The following BRIP1 variants were observed in gnomAD, a reference collection of about 807,000 sequenced individuals.
BRIP1 encodes the protein BRCA1 interacting DNA helicase 1.
Under a neutral mutation model 119.7 loss-of-function variants are expected in BRIP1, and 88 were observed. That is an observed-to-expected ratio of 0.74 (90% confidence interval 0.62 to 0.88). The LOEUF is 0.88. Ranked by LOEUF, BRIP1 falls within the 40% of genes least tolerant of loss-of-function variation. The pLI, the probability that BRIP1 is intolerant of heterozygous loss-of-function variation, is 0.00. For missense variants in BRIP1, 1,259 were observed against 1,455.4 expected (o/e 0.87, Z 2.20); for synonymous variants, 443 against 496.5 (o/e 0.89, Z 1.43).
chr17:61,808,587 C>T lies in BRIP1; in HGVS notation c.798G>A (p.Thr266=), dbSNP rs1260055674. Residue 266 remains threonine (T), a synonymous_variant, in exon 7 of 20, where the codon ACG becomes ACA. Transcript: ENST00000259008. The surrounding 1 kb of genome is among the most constrained non-coding windows in gnomAD (Gnocchi z 4.1). ...TAGTCATTGGAACCCCTGAATATGC[C>T]GTCCTCCGGAGCTCTCTAGTAATCT... ...IAQITRELRR[T]AYSGVPMTIL... 10 of 1,613,802 alleles carry T rather than the reference C, an allele frequency of 6.2e-6. No individual in the cohort carries two copies. Among genetic ancestry groups the T allele is most frequent in the Non-Finnish European group, 8.5e-6 (10 of 1,179,800 alleles).
intron 10 of BRIP1, among the ~76,000 whole-genome samples, chr17:61,787,106 TATATTA>T (rs1271378178): frequency 5.3e-5 from 6 of 112,166 alleles, no homozygotes; most frequent in African/African-American, 2.2e-4. Context: ...TATTAATAAA[TATATTA>T]ATATATAATA....
In BRIP1 at chr17:61,717,832, C is replaced by T. The variant is rs998478541; in HGVS notation, c.2380-1769G>A. On this transcript the variant is annotated intron_variant, in intron 16 of 19. Transcript: ENST00000259008. This position sits in a 1 kb window ranked among gnomAD's most constrained non-coding sequence, Gnocchi z 4.1. Reference sequence around the variant, plus strand: ...TATTAGACTACTTTATATTACTCCACATGTCACTGACCCTCTTTTTTTTCA... The same window carrying T: ...TATTAGACTACTTTATATTACTCCATATGTCACTGACCCTCTTTTTTTTCA... Among the ~76,000 whole-genome samples the T allele has an allele frequency of 5.3e-5, 8 of 152,064 alleles. No homozygotes were observed. The highest frequency in any genetic ancestry group is 1.9e-4 in the African/African-American group (8 of 41,416).
chr17:61,853,364 T>A lies in BRIP1; in HGVS notation c.379+3694A>T, dbSNP rs1387919501. 6.7e-6 allele frequency among the ~76,000 whole-genome samples: 1 copy of A among 150,302 alleles called. No individual in the cohort carries two copies. The highest frequency in any genetic ancestry group is 2.1e-4 in the East Asian group (1 of 4,764). Reference sequence around the variant, plus strand: ...TGAAAAAGAAGATGAGGAGGGCCTCTGGGGTGTTGGTAATGTCTCTCTCTT... The same window carrying A: ...TGAAAAAGAAGATGAGGAGGGCCTCAGGGGTGTTGGTAATGTCTCTCTCTT... On this transcript the variant is annotated intron_variant, in intron 4 of 19. Transcript: ENST00000259008. This position sits in a 1 kb window ranked among gnomAD's most constrained non-coding sequence, Gnocchi z 4.3.
intron 16 of BRIP1, among the ~76,000 whole-genome samples, chr17:61,728,401 A>C (rs2144542987): frequency 6.6e-6 from 1 of 152,296 alleles, no homozygotes; most frequent in Middle Eastern, 3.4e-3. Flanking sequence ...AGGAAACAGA[A>C]ACACAGTCTC....
intron 17 of BRIP1, among the ~76,000 whole-genome samples, chr17:61,702,148 C>T (rs2061623954): frequency 6.6e-6 from 1 of 152,144 alleles, no homozygotes; most frequent in Non-Finnish European, 1.5e-5. Context: ...TTAGAAATTT[C>T]AGAGGTCTTT....
chr17:61,680,534 C>A lies in BRIP1; in HGVS notation c.*2762G>T, dbSNP rs2061257533. Among the ~76,000 whole-genome samples the A allele has an allele frequency of 7.6e-6, 1 of 131,888 alleles. No individual in the cohort carries two copies. Among genetic ancestry groups the A allele is most frequent in the African/African-American group, 3.0e-5 (1 of 33,670 alleles). The allele number at this position is 131,888 out of a possible 152,430, so 86.5% of individuals were successfully genotyped here. A position where few individuals can be genotyped will look rare whatever the true frequency, so the allele number is the denominator to read the frequency against. On this transcript the variant is annotated 3_prime_UTR_variant, in exon 20 of 20. Transcript: ENST00000259008. ...CCGCTCTGTCGCCCAGGCTGGAGTG[C>A]AGTGGCGCAATCTCGGCTCACTGCA...
intron 3 of BRIP1, among the ~76,000 whole-genome samples, chr17:61,859,449 A>T (rs1298659603): frequency 6.6e-6 from 1 of 152,126 alleles, no homozygotes; most frequent in East Asian, 1.9e-4. Context: ...CTACCACCTC[A>T]GTCTCCCAAG....
At position 61,780,117 on chromosome 17, in the gene BRIP1, G is replaced by T; in HGVS notation, c.1935+144C>A. 1 of 870,440 alleles carries T rather than the reference G, an allele frequency of 1.1e-6. No individual in the cohort carries two copies. The highest frequency in any genetic ancestry group is 1.8e-6 in the Non-Finnish European group (1 of 553,226). 53.9% of individuals were successfully genotyped at this position (870,440 alleles called of 1,614,324 possible). On this transcript the variant is annotated intron_variant, in intron 13 of 19. Coordinates refer to ENST00000259008, the MANE Select transcript of BRIP1 (RefSeq NM_032043.3). The surrounding 1 kb of genome is among the most constrained non-coding windows in gnomAD (Gnocchi z 5.4). ...TTGACACATCATTAAGTAGCTGACA[G>T]ATTTTCTTTTATTGTAAAACTGGAA...
Position 61,687,001 on chromosome 17 carries a change from G to A in BRIP1, c.2576-836C>T, listed in dbSNP as rs1008786066. 6.6e-6 allele frequency among the ~76,000 whole-genome samples: 1 copy of A among 152,062 alleles called. No homozygotes were observed. The highest frequency in any genetic ancestry group is 1.5e-5 in the Non-Finnish European group (1 of 68,020). ...TTAAAACTAAAAAAATTTTAAATAA[G>A]CCATTTCCCTTGAAGTTTTTTATTT... On this transcript the variant is annotated intron_variant, in intron 18 of 19. Transcript: ENST00000259008. This position sits in a 1 kb window ranked among gnomAD's most constrained non-coding sequence, Gnocchi z 5.1.
chr17:61,831,482 A>G lies in BRIP1; in HGVS notation c.627+15619T>C, dbSNP rs2078491952. On this transcript the variant is annotated intron_variant, in intron 6 of 19. Coordinates refer to ENST00000259008, the MANE Select transcript of BRIP1 (RefSeq NM_032043.3). The surrounding 1 kb of genome is among the most constrained non-coding windows in gnomAD (Gnocchi z 4.1). ...GGAAGGAAATTATAAGTGGAATCATACAATATCTGTCCTTTTATGACTGGC... is the reference window on the plus strand; with the variant it reads ...GGAAGGAAATTATAAGTGGAATCATGCAATATCTGTCCTTTTATGACTGGC... Among the ~76,000 whole-genome samples the G allele has an allele frequency of 6.6e-6, 1 of 152,244 alleles. No homozygotes were observed. The highest frequency in any genetic ancestry group is 1.5e-5 in the Non-Finnish European group (1 of 68,038).
Position 61,683,424 on chromosome 17 carries a change from C to T in BRIP1, c.3622G>A (p.Asp1208Asn), listed in dbSNP as rs760589795. The change falls in exon 20 of 20, where the codon GAC becomes AAC. Residue 1208 changes from aspartate (D) to asparagine (N), a missense_variant. This residue lies in a region of BRIP1 where 753 missense variants were observed against 891.8 expected (regional missense o/e 0.84). Coordinates refer to ENST00000259008, the MANE Select transcript of BRIP1 (RefSeq NM_032043.3). The surrounding 1 kb of genome is among the most constrained non-coding windows in gnomAD (Gnocchi z 4.7). The stretch of plus-strand genomic sequence containing the variant: ...GTTGTTTTTACATTACCATCAATGT[C>T]ATCAATTTTACTTTCTTCAATATGC... ...ILHIEESKID[D>N]IDGNVKTTWI... 1 of 1,613,618 alleles carries T rather than the reference C, an allele frequency of 6.2e-7. No homozygotes were observed.
chr17:61,743,214 T>A lies in BRIP1; in HGVS notation c.2258-80A>T. ...CATTTTGAAAATACCTGATTTATAA[T>A]TATAGTAATTACAGTAGCAAATTTA... On this transcript the variant is annotated intron_variant, in intron 15 of 19. Transcript: ENST00000259008. This position sits in a 1 kb window ranked among gnomAD's most constrained non-coding sequence, Gnocchi z 4.3. The A allele has an allele frequency of 6.7e-7, 1 of 1,490,728 alleles. No homozygotes were observed. The highest frequency in any genetic ancestry group is 1.2e-5 in the South Asian group (1 of 86,270). The allele number at this position is 1,490,728 out of a possible 1,614,324, so 92.3% of individuals were successfully genotyped here.
rs184029293 is a variant in BRIP1, at chr17:61,770,907, G to T, written c.2097+5494C>A. Among the ~76,000 whole-genome samples, 12 of 152,194 alleles carry T rather than the reference G, an allele frequency of 7.9e-5. No homozygotes were observed. In the East Asian group the frequency reaches 2.3e-3, roughly 29 times the overall value. The stretch of plus-strand genomic sequence containing the variant: ...ATATACAGAAAACAAACAGCAAAGT[G>T]GCATTTGTAAACACTACCTTAGCAC... On this transcript the variant is annotated intron_variant, in intron 14 of 19. Transcript: ENST00000259008. This position sits in a 1 kb window ranked among gnomAD's most constrained non-coding sequence, Gnocchi z 4.7.
At position 61,767,640 on chromosome 17, in the gene BRIP1, A is replaced by C. The variant is rs191051838; in HGVS notation, c.2097+8761T>G. On this transcript the variant is annotated intron_variant, in intron 14 of 19. Transcript: ENST00000259008. This position sits in a 1 kb window ranked among gnomAD's most constrained non-coding sequence, Gnocchi z 5.7. ...AGATGAGGTTTCACCATGTTGCCCA[A>C]CCTGATGTCAAACTCCTGAGCTCAG... 5.3e-5 allele frequency among the ~76,000 whole-genome samples: 8 copies of C among 152,012 alleles called. No individual in the cohort carries two copies. In the East Asian group the frequency reaches 1.6e-3, roughly 30 times the overall value.
chr17:61,727,212 G>A (rs72842969), intron 16 of BRIP1, among the ~76,000 whole-genome samples: 10,304 of 152,166 alleles, frequency 0.068, 541 homozygotes, highest in South Asian at 0.25. Context: ...ATGGCACTCA[G>A]GGAATTATAT....
chr17:61,684,128 A>C lies in BRIP1; in HGVS notation c.2918T>G (p.Phe973Cys). ...TTCTGCTTTCCCTGCTTCTTCCAGG[A>C]ATACTGGATCATCTAAGAATACAAG... ...ISRKEKNDPV[F>C]LEEAGKAEKI... Residue 973 changes from phenylalanine (F) to cysteine (C), a missense_variant, in exon 20 of 20, where the codon TTC (phenylalanine) becomes TGC (cysteine). Transcript: ENST00000259008. This position sits in a 1 kb window ranked among gnomAD's most constrained non-coding sequence, Gnocchi z 4.5. The C allele has an allele frequency of 6.2e-7, 1 of 1,613,600 alleles. No homozygotes were observed. Among genetic ancestry groups the C allele is most frequent in the Non-Finnish European group, 8.5e-7 (1 of 1,179,778 alleles).
chr17:61,725,674 T>C lies in BRIP1; in HGVS notation c.2380-9611A>G, dbSNP rs569074351. On this transcript the variant is annotated intron_variant, in intron 16 of 19. Transcript: ENST00000259008. The surrounding 1 kb of genome is among the most constrained non-coding windows in gnomAD (Gnocchi z 5.3). The stretch of plus-strand genomic sequence containing the variant: ...TCTTGCTCTGTCACCCAGAATGGAG[T>C]GCAGTGGCATGGTCATAGGTCACTG... Among the ~76,000 whole-genome samples, 14 of 152,254 alleles carry C rather than the reference T, an allele frequency of 9.2e-5. No homozygotes were observed. Among genetic ancestry groups the C allele is most frequent in the African/African-American group, 3.4e-4 (14 of 41,546 alleles).
rs2077909678 is a variant in BRIP1 at position 61,796,978 on chromosome 17, C to G, written c.1340+2122G>C. 6.6e-6 allele frequency among the ~76,000 whole-genome samples: 1 copy of G among 151,846 alleles called. No homozygotes were observed. Among genetic ancestry groups the G allele is most frequent in the Non-Finnish European group, 1.5e-5 (1 of 67,886 alleles). ...TTGAGGAACTGGTACATACTGTTTG[C>G]TTAGATGAGGAAGACTGGGGAGAAA... On this transcript the variant is annotated intron_variant, in intron 9 of 19. Coordinates refer to ENST00000259008, the MANE Select transcript of BRIP1 (RefSeq NM_032043.3). The surrounding 1 kb of genome is among the most constrained non-coding windows in gnomAD (Gnocchi z 4.8).
intron 6 of BRIP1, among the ~76,000 whole-genome samples, chr17:61,826,731 T>TA (rs58466965): frequency 0.29 from 21,743 of 75,446 alleles, 4,644 homozygotes; most frequent in Middle Eastern, 0.5. Context: ...TATTAAAAAG[T>TA]AAAAAAAAAA....
Sources: allele counts gnomAD v4.1 joint callset (sites outside exome capture counted in the v4.1 genomes callset), GRCh38; gene constraint gnomAD v4.1.1; regional missense constraint gnomAD v4.1.1; non-coding constraint Gnocchi (gnomAD v3.1); transcripts MANE v1.5; gene names NCBI Gene and HGNC (gene_info 2026-07-23, HGNC 2026-07-21).